The following RORA variants were observed in gnomAD, a reference collection of about 807,000 sequenced individuals.
The protein encoded by RORA is nuclear receptor ROR-alpha.
In RORA, 7 loss-of-function variants were observed where a neutral mutation model predicts 69.5. The observed-to-expected ratio is 0.10, with a 90% CI of 0.06 to 0.19. The LOEUF is 0.19. RORA is among the 10% of genes least tolerant of loss of function. RORA has a pLI of 1.00. For missense variants in RORA, 457 were observed against 663.0 expected (o/e 0.69, Z 3.41); for synonymous variants, 261 against 240.8 (o/e 1.08, Z -0.78).
At chr15:60,996,442 A>C (rs867282659) in intron 1 of RORA, among the ~76,000 whole-genome samples, 3 of 152,322 alleles carry the variant, frequency 2.0e-5, no homozygotes, top group Middle Eastern at 3.4e-3. Context: ...TGAACACAAG[A>C]TCTGTATACT....
Position 60,827,914 on chromosome 15 carries a change from G to A in RORA, c.167-149228C>T, listed in dbSNP as rs190182236. On this transcript the variant is annotated intron_variant, in intron 1 of 10. Coordinates refer to ENST00000335670, the MANE Select transcript of RORA (RefSeq NM_134261.3). Reference sequence around the variant, plus strand: ...GTTTTATAGACAGCCAGGTATAACCGCTCATTCATGTTAGTAACCCCTGGT... The same window carrying A: ...GTTTTATAGACAGCCAGGTATAACCACTCATTCATGTTAGTAACCCCTGGT... Among the ~76,000 whole-genome samples, 165 of 152,298 alleles carry A rather than the reference G, an allele frequency of 1.1e-3. 1 individual carries two copies. The highest frequency in any genetic ancestry group is 3.9e-3 in the African/African-American group (160 of 41,558).
At chr15:60,755,239 G>GT (rs1371726425) in intron 1 of RORA, among the ~76,000 whole-genome samples, 6 of 149,394 alleles carry the variant, frequency 4.0e-5, no homozygotes, top group Non-Finnish European at 5.9e-5. Context: ...GTGGTGTTTG[G>GT]TTTTTTGTCC....
intron 2 of RORA, among the ~76,000 whole-genome samples, chr15:60,583,695 T>G (rs1277106669): frequency 1.3e-5 from 2 of 152,212 alleles, no homozygotes; most frequent in African/African-American, 4.8e-5. Flanking sequence ...TGCATGCTGG[T>G]TGATAGCAAG....
chr15:61,141,591 G>A (rs1275234485), intron 1 of RORA, among the ~76,000 whole-genome samples: 2 of 152,132 alleles, frequency 1.3e-5, no homozygotes, highest in African/African-American at 4.8e-5. Context: ...TTTAGAAAAG[G>A]CGTCAACAGC....
At chr15:60,576,579 T>G (rs2068032205) in intron 2 of RORA, among the ~76,000 whole-genome samples, 1 of 152,242 alleles carries the variant, frequency 6.6e-6, no homozygotes, top group African/African-American at 2.4e-5. Context: ...TCAGGGAAGG[T>G]TGGGCTTTCA....
At chr15:61,119,107 T>G (rs1478475121) in intron 1 of RORA, among the ~76,000 whole-genome samples, 1 of 146,696 alleles carries the variant, frequency 6.8e-6, no homozygotes, top group Admixed American at 7.0e-5. Context: ...CATGGAGCAG[T>G]CGTGTGAGCC....
chr15:60,970,794 A>G (rs1893691650), intron 1 of RORA, among the ~76,000 whole-genome samples: 1 of 151,998 alleles, frequency 6.6e-6, no homozygotes. Context: ...GATCACAGAG[A>G]TTTTTTTTCC....
chr15:61,054,190 T>A (rs1294243327), intron 1 of RORA, among the ~76,000 whole-genome samples: 1 of 152,050 alleles, frequency 6.6e-6, no homozygotes, highest in Non-Finnish European at 1.5e-5. Flanking sequence ...GCCAGCATCT[T>A]CATACTTAAT....
At chr15:60,503,729 T>C in intron 6 of RORA, 62 bp from the exon 7 acceptor site, 38 of 1,595,126 alleles carry the variant, frequency 2.4e-5, no homozygotes, top group Non-Finnish European at 3.2e-5. Context: ...TAGCAGAAGC[T>C]GCAGAGTTAT....
intron 1 of RORA, among the ~76,000 whole-genome samples, chr15:60,952,603 C>G (rs1380505962): frequency 1.3e-5 from 2 of 152,134 alleles, no homozygotes; most frequent in African/African-American, 4.8e-5. Context: ...TCTCAGGATA[C>G]AAAATCACTG....
At chr15:60,844,248 G>C (rs1216066641) in intron 1 of RORA, among the ~76,000 whole-genome samples, 3 of 152,326 alleles carry the variant, frequency 2.0e-5, no homozygotes, top group African/African-American at 7.2e-5. Context: ...CTCAAGGACA[G>C]TGACTCAGTC....
rs554263020 is a variant in RORA, at chr15:60,660,634, A to G, written c.196+18023T>C. 6.6e-5 allele frequency among the ~76,000 whole-genome samples: 10 copies of G among 152,308 alleles called. No individual in the cohort carries two copies. The South Asian group carries it at 2.1e-3, about 32-fold the overall frequency. ...CCGACTTTTGGGAAGAAGGGAGGTG[A>G]ACAGTTTCTCCATTCAGCTTCCATG... is the stretch of plus-strand genomic sequence containing the variant. On this transcript the variant is annotated intron_variant, in intron 2 of 10. Coordinates refer to ENST00000335670, the MANE Select transcript of RORA (RefSeq NM_134261.3).
intron 1 of RORA, among the ~76,000 whole-genome samples, chr15:61,043,164 A>G (rs1896864664): frequency 6.6e-6 from 1 of 152,184 alleles, no homozygotes; most frequent in African/African-American, 2.4e-5. Flanking sequence ...CCCATTTTAG[A>G]GATGGAAAAA....
chr15:60,844,687 C>T lies in RORA; in HGVS notation c.167-166001G>A, dbSNP rs150944781. The stretch of plus-strand genomic sequence containing the variant: ...CCCCAGGCACAGATGATACCCTCAG[C>T]GAGGCCCAGCTTAAATCTAACCACA... On this transcript the variant is annotated intron_variant, in intron 1 of 10. Coordinates refer to ENST00000335670, the MANE Select transcript of RORA (RefSeq NM_134261.3). 1.4e-3 allele frequency among the ~76,000 whole-genome samples: 215 copies of T among 152,250 alleles called. 2 individuals carry two copies. The East Asian group carries it at 0.035, about 24-fold the overall frequency.
intron 1 of RORA, among the ~76,000 whole-genome samples, chr15:60,914,166 C>A (rs1891805661): frequency 6.6e-6 from 1 of 152,204 alleles, no homozygotes; most frequent in Admixed American, 6.5e-5. Context: ...CTGTACTTTA[C>A]ACAGTCAGGG....
At chr15:60,810,154 T>C (rs142970709) in intron 1 of RORA, among the ~76,000 whole-genome samples, 20 of 152,158 alleles carry the variant, frequency 1.3e-4, no homozygotes, top group African/African-American at 4.8e-4. Context: ...AAAGAGTGTG[T>C]GTAAGCTAAC....
chr15:60,827,200 T>C (rs1053783282), intron 1 of RORA, among the ~76,000 whole-genome samples: 3 of 152,226 alleles, frequency 2.0e-5, no homozygotes, highest in African/African-American at 7.2e-5. Flanking sequence ...AGAAATTCTT[T>C]TTTCTTTTTC....
At chr15:61,176,834 A>T (rs1242747000) in intron 1 of RORA, among the ~76,000 whole-genome samples, 3 of 152,172 alleles carry the variant, frequency 2.0e-5, no homozygotes, top group African/African-American at 7.2e-5. Flanking sequence ...TTGTTGTTAA[A>T]ATTACGGCAT....
rs979724781 is a variant in RORA at position 60,514,345 on chromosome 15, A to G, written c.424+271T>C. Among the ~76,000 whole-genome samples, 3 of 152,164 alleles carry G rather than the reference A, an allele frequency of 2.0e-5. No individual in the cohort carries two copies. The East Asian group carries it at 5.8e-4, about 29-fold the overall frequency. On this transcript the variant is annotated intron_variant, in intron 4 of 10. Coordinates refer to ENST00000335670, the MANE Select transcript of RORA (RefSeq NM_134261.3). ...TCGACCCACCTATAATGGCTGAAAT[A>G]TCAAAAATCTGAAGGTGTTCTGAGC...
Sources: allele counts gnomAD v4.1 joint callset (sites outside exome capture counted in the v4.1 genomes callset), GRCh38; gene constraint gnomAD v4.1.1; transcripts MANE v1.5; gene names NCBI Gene and HGNC (gene_info 2026-07-23, HGNC 2026-07-21).